Variants in RGS18 observed in about 807,000 individuals in gnomAD.
RGS18 encodes the protein regulator of G-protein signaling 18.
Under a neutral mutation model 27.6 loss-of-function variants are expected in RGS18, and 22 were observed. The ratio of observed to expected loss-of-function variants is 0.80; its 90% CI spans 0.57 to 1.14. RGS18 has a LOEUF of 1.14. Ranked by LOEUF, RGS18 falls within the 50% of genes most tolerant of loss-of-function variation. The probability of loss-of-function intolerance (pLI) is 0.00; values close to 1 mark genes in which losing one functional copy is unlikely to be tolerated. For missense variants in RGS18, 299 were observed against 269.6 expected (o/e 1.11, Z -0.76); for synonymous variants, 89 against 84.6 (o/e 1.05, Z -0.29).
intron 3 of RGS18, among the ~76,000 whole-genome samples, chr1:192,170,491 TC>T (rs1245121656): frequency 2.6e-5 from 4 of 152,064 alleles, no homozygotes; most frequent in African/African-American, 7.2e-5. Flanking sequence ...TGAGGCCTCA[TC>T]AGAAGCAGAG....
At chr1:192,172,475 C>T (rs1656277473) in intron 3 of RGS18, among the ~76,000 whole-genome samples, 2 of 151,956 alleles carry the variant, frequency 1.3e-5, no homozygotes, top group South Asian at 2.1e-4. Context: ...CTTATACCAC[C>T]GGCAGAACTG....
rs1656524408 is a variant in RGS18, at chr1:192,185,002, T to A, written c.*448T>A. 5.8e-6 allele frequency: 1 copy of A among 171,060 alleles called. No homozygotes were observed. The highest frequency in any genetic ancestry group is 1.3e-5 in the Non-Finnish European group (1 of 79,438). 10.6% of individuals were successfully genotyped at this position (171,060 alleles called of 1,614,324 possible). On this transcript the variant is annotated 3_prime_UTR_variant, in exon 5 of 5. Transcript: ENST00000367460. ...TTTTCATAATGAATGTTCTCTTTTT[T>A]TTGGTAATAGTGTAGAAGTGATCTG...
In RGS18 at chr1:192,158,616, A is replaced by G; in HGVS notation, c.-22A>G. The G allele has an allele frequency of 6.6e-7, 1 of 1,521,258 alleles. No individual in the cohort carries two copies. Among genetic ancestry groups the G allele is most frequent in the Non-Finnish European group, 8.8e-7 (1 of 1,136,000 alleles). 94.2% of individuals were successfully genotyped at this position (1,521,258 alleles called of 1,614,324 possible). Reference sequence around the variant, plus strand: ...TAGGGAAGGATGTAATAAATTAGACATCTCTTCATTTTAGAGAGAAGATGG... The same window carrying G: ...TAGGGAAGGATGTAATAAATTAGACGTCTCTTCATTTTAGAGAGAAGATGG... On this transcript the variant is annotated 5_prime_UTR_variant, in exon 1 of 5. Coordinates refer to ENST00000367460, the MANE Select transcript of RGS18 (RefSeq NM_130782.3).
intron 4 of RGS18, among the ~76,000 whole-genome samples, chr1:192,182,287 C>A (rs1231887422): frequency 6.6e-6 from 1 of 151,460 alleles, no homozygotes; most frequent in African/African-American, 2.4e-5. Context: ...ATAATGGCTG[C>A]ACTACCTTAC....
At chr1:192,161,640 A>AATCATTTC (rs910703143) in intron 3 of RGS18, among the ~76,000 whole-genome samples, 1 of 152,014 alleles carries the variant, frequency 6.6e-6, no homozygotes, top group African/African-American at 2.4e-5. Flanking sequence ...TTTGAAATAC[A>AATCATTTC]ATCATTTCCC....
chr1:192,160,984 G>A (rs898673130), intron 3 of RGS18, among the ~76,000 whole-genome samples: 1 of 152,092 alleles, frequency 6.6e-6, no homozygotes, highest in Non-Finnish European at 1.5e-5. Context: ...CGAGTAGCTG[G>A]GACTACAGGC....
intron 2 of RGS18, 130 bp from the exon 3 acceptor site, chr1:192,160,248 C>T (rs1035779109): frequency 2.7e-5 from 12 of 446,212 alleles, no homozygotes; most frequent in Non-Finnish European, 4.3e-5. Context: ...ATGCAATTTT[C>T]ATTATATTAT....
At chr1:192,179,907 T>A (rs1201388333) in intron 3 of RGS18, among the ~76,000 whole-genome samples, 1 of 151,604 alleles carries the variant, frequency 6.6e-6, no homozygotes, top group African/African-American at 2.4e-5. Context: ...CTATCCTAGC[T>A]GTGATATTTC....
intron 1 of RGS18, among the ~76,000 whole-genome samples, chr1:192,158,967 T>C (rs572054382): frequency 1.3e-5 from 2 of 152,280 alleles, no homozygotes; most frequent in South Asian, 2.1e-4. Flanking sequence ...GTAATAATGT[T>C]AGCCACATAG....
At position 192,184,742 on chromosome 1, in the gene RGS18, CCTT is replaced by C. The variant is rs1424745951; in HGVS notation, c.*191_*193del. 2 of 536,704 alleles carry C rather than the reference CCTT, an allele frequency of 3.7e-6. No homozygotes were observed. The highest frequency in any genetic ancestry group is 3.8e-5 in the African/African-American group (2 of 52,446). 33.2% of individuals were successfully genotyped at this position (536,704 alleles called of 1,614,324 possible). On this transcript the variant is annotated 3_prime_UTR_variant, in exon 5 of 5. Transcript: ENST00000367460. ...GTATCTGCCAGTATATTCTGTAAAA[CCTT>C]CTATTTGATGTCATTCCATTTATAA...
intron 3 of RGS18, among the ~76,000 whole-genome samples, chr1:192,173,977 C>G (rs74330568): frequency 6.6e-6 from 1 of 151,382 alleles, no homozygotes; most frequent in East Asian, 1.9e-4. Context: ...AGGTGGAAAC[C>G]TAGATCTTAA....
chr1:192,174,399 G>T (rs1020338177), intron 3 of RGS18, among the ~76,000 whole-genome samples: 2 of 151,754 alleles, frequency 1.3e-5, no homozygotes, highest in Non-Finnish European at 2.9e-5. Flanking sequence ...CATTTGAAAA[G>T]ATGTGTTTGG....
At chr1:192,158,991 A>T (rs1172384189) in intron 1 of RGS18, among the ~76,000 whole-genome samples, 1 of 152,234 alleles carries the variant, frequency 6.6e-6, no homozygotes, top group African/African-American at 2.4e-5. Flanking sequence ...AACTAGTGCA[A>T]TCTTTATTGA....
intron 4 of RGS18, among the ~76,000 whole-genome samples, chr1:192,182,845 T>A (rs1656479484): frequency 6.6e-6 from 1 of 151,618 alleles, no homozygotes; most frequent in Non-Finnish European, 1.5e-5. Context: ...CATATACCAA[T>A]TTAATTTTGG....
At chr1:192,162,458 G>T (rs1222178628) in intron 3 of RGS18, among the ~76,000 whole-genome samples, 1 of 151,944 alleles carries the variant, frequency 6.6e-6, no homozygotes, top group African/African-American at 2.4e-5. Context: ...ACAGACACAG[G>T]CCACCACACC....
chr1:192,184,217 T>C (rs1656503873), intron 4 of RGS18, 80 bp from the exon 5 acceptor site: 4 of 1,312,898 alleles, frequency 3.0e-6, no homozygotes, highest in Admixed American at 4.0e-5. Flanking sequence ...ACTCCAACAT[T>C]GCATCAGTCC....
intron 1 of RGS18, 57 bp from the exon 2 acceptor site, chr1:192,159,162 CA>C (rs1330717437): frequency 4.0e-6 from 5 of 1,259,730 alleles, no homozygotes; most frequent in Non-Finnish European, 5.8e-6. Flanking sequence ...TGGTAGTCAG[CA>C]GGAGAGATTT....
chr1:192,179,078 T>G (rs909105422), intron 3 of RGS18, among the ~76,000 whole-genome samples: 2 of 151,432 alleles, frequency 1.3e-5, no homozygotes, highest in Non-Finnish European at 3.0e-5. Context: ...GAGTTAAACC[T>G]AAACAGACAA....
intron 3 of RGS18, among the ~76,000 whole-genome samples, chr1:192,175,776 C>A (rs2102157903): frequency 6.6e-6 from 1 of 152,012 alleles, no homozygotes; most frequent in East Asian, 2.0e-4. Flanking sequence ...AGCAGATTCA[C>A]TCTGCACTGG....
Sources: allele counts gnomAD v4.1 joint callset (sites outside exome capture counted in the v4.1 genomes callset), GRCh38; gene constraint gnomAD v4.1.1; transcripts MANE v1.5; gene names NCBI Gene and HGNC (gene_info 2026-07-23, HGNC 2026-07-21).